CDH12: variants seen among roughly 807,000 people sequenced by gnomAD.
CDH12 encodes cadherin-12.
A neutral mutation model predicts 74.1 loss-of-function variants in CDH12; 41 were observed. The ratio of observed to expected loss-of-function variants is 0.55; its 90% CI spans 0.43 to 0.72. The LOEUF is 0.72. Ranked by LOEUF, CDH12 falls within the 30% of genes least tolerant of loss-of-function variation. CDH12 has a pLI of 0.00. For missense variants in CDH12, 945 were observed against 977.2 expected (o/e 0.97, Z 0.44); for synonymous variants, 399 against 355.0 (o/e 1.12, Z -1.39).
chr5:22,461,017 G>A (rs1295447349), intron 2 of CDH12, among the ~76,000 whole-genome samples: 2 of 144,694 alleles, frequency 1.4e-5, no homozygotes, highest in Non-Finnish European at 3.0e-5. Context: ...CACCGCGCCA[G>A]GCCAATGTCT....
At chr5:22,790,537 A>T (rs1747856945) in intron 1 of CDH12, among the ~76,000 whole-genome samples, 1 of 152,062 alleles carries the variant, frequency 6.6e-6, no homozygotes, top group South Asian at 2.1e-4. Flanking sequence ...AATCCCTTTG[A>T]CACATGTGGA....
At chr5:22,578,666 G>T (rs1739919045) in intron 1 of CDH12, among the ~76,000 whole-genome samples, 1 of 151,986 alleles carries the variant, frequency 6.6e-6, no homozygotes, top group Non-Finnish European at 1.5e-5. Flanking sequence ...TCAGAAGCAG[G>T]CCAAAGCACC....
chr5:22,260,912 T>A (rs550560861), intron 3 of CDH12, among the ~76,000 whole-genome samples: 4 of 151,970 alleles, frequency 2.6e-5, no homozygotes, highest in Admixed American at 6.6e-5. Flanking sequence ...CTGGCTTATT[T>A]CTGTTCCGAT....
chr5:21,977,963 T>TC (rs200300725), intron 5 of CDH12, among the ~76,000 whole-genome samples: 38,742 of 151,920 alleles, frequency 0.26, 7,330 homozygotes, highest in African/African-American at 0.53. Flanking sequence ...GCTGATTAAT[T>TC]AGGCAGATGG....
chr5:22,165,831 C>T (rs1488948695), intron 4 of CDH12, among the ~76,000 whole-genome samples: 1 of 152,216 alleles, frequency 6.6e-6, no homozygotes, highest in Non-Finnish European at 1.5e-5. Flanking sequence ...CTCACTGCTA[C>T]ACTTCCACCA....
intron 2 of CDH12, among the ~76,000 whole-genome samples, chr5:22,470,504 G>T (rs2126604500): frequency 6.6e-6 from 1 of 151,924 alleles, no homozygotes; most frequent in African/African-American, 2.4e-5. Flanking sequence ...CTGCAGCCTG[G>T]AACTCCTGAG....
chr5:21,789,214 T>G lies in CDH12; in HGVS notation c.1257-5720A>C, dbSNP rs927670348. ...ATGTCACAAGTGCAATAAAACATTG[T>G]AACAATTTTTAATTTTTATAGTTTT... On this transcript the variant is annotated intron_variant, in intron 10 of 14. Transcript: ENST00000382254. Among the ~76,000 whole-genome samples, 5 of 152,150 alleles carry G rather than the reference T, an allele frequency of 3.3e-5. No individual in the cohort carries two copies. The East Asian group carries it at 9.6e-4, about 29-fold the overall frequency.
chr5:22,535,067 G>GT (rs1178931856), intron 1 of CDH12, among the ~76,000 whole-genome samples: 1 of 147,890 alleles, frequency 6.8e-6, no homozygotes, highest in Non-Finnish European at 1.5e-5. Flanking sequence ...CGCCTCCCGG[G>GT]TTCACACCAT....
rs564808261 is a variant in CDH12 at position 21,955,007 on chromosome 5, T to C, written c.526+20084A>G. ...ATGAAATTCATGTTATTGAGTAGAG[T>C]AGTAATACAGTGTGTTCCCTTGTGA... On this transcript the variant is annotated intron_variant, in intron 6 of 14. Transcript: ENST00000382254. 3.9e-5 allele frequency among the ~76,000 whole-genome samples: 6 copies of C among 152,054 alleles called. No individual in the cohort carries two copies. The South Asian group carries it at 1.2e-3, about 32-fold the overall frequency.
intron 3 of CDH12, among the ~76,000 whole-genome samples, chr5:22,215,341 A>T (rs1329198982): frequency 3.3e-5 from 5 of 152,238 alleles, no homozygotes; most frequent in Non-Finnish European, 4.4e-5. Context: ...TTTATGATTA[A>T]CAAAAATCAT....
chr5:22,322,543 T>C (rs992032631), intron 3 of CDH12, among the ~76,000 whole-genome samples: 1 of 152,084 alleles, frequency 6.6e-6, no homozygotes, highest in Non-Finnish European at 1.5e-5. Flanking sequence ...ATGATGATGA[T>C]GACGATGATG....
At chr5:21,860,768 CA>C (rs1186760860) in intron 6 of CDH12, among the ~76,000 whole-genome samples, 1 of 151,998 alleles carries the variant, frequency 6.6e-6, no homozygotes, top group Non-Finnish European at 1.5e-5. Flanking sequence ...TGTGGTTTGT[CA>C]GGGGCTCTTA....
At chr5:21,903,661 A>T (rs565454020) in intron 6 of CDH12, among the ~76,000 whole-genome samples, 68 of 152,282 alleles carry the variant, frequency 4.5e-4, no homozygotes, top group Admixed American at 7.2e-4. Context: ...TCCAACAGCC[A>T]GGTTTATATA....
chr5:22,702,889 A>G (rs889386927), intron 1 of CDH12, among the ~76,000 whole-genome samples: 1 of 152,104 alleles, frequency 6.6e-6, no homozygotes, highest in African/African-American at 2.4e-5. Context: ...ACCACTTTTT[A>G]CAATAGTTAC....
intron 2 of CDH12, among the ~76,000 whole-genome samples, chr5:22,456,244 A>ATATGTG (rs1216988478): frequency 6.8e-6 from 1 of 147,286 alleles, no homozygotes; most frequent in South Asian, 2.2e-4. Flanking sequence ...GTCTATATAT[A>ATATGTG]TGTGTGTGTG....
intron 2 of CDH12, among the ~76,000 whole-genome samples, chr5:22,444,935 AT>A (rs997682202): frequency 6.6e-6 from 1 of 151,992 alleles, no homozygotes; most frequent in African/African-American, 2.4e-5. Context: ...CAGAAGACAT[AT>A]TTTTCTTTCA....
intron 3 of CDH12, among the ~76,000 whole-genome samples, chr5:22,277,362 T>C (rs1407411834): frequency 2.0e-5 from 3 of 151,982 alleles, no homozygotes; most frequent in Non-Finnish European, 4.4e-5. Context: ...TCTTCTAGAG[T>C]GGACTTGGGC....
chr5:22,444,142 A>G (rs2126547306), intron 2 of CDH12, among the ~76,000 whole-genome samples: 1 of 152,196 alleles, frequency 6.6e-6, no homozygotes. Flanking sequence ...AAAACATACA[A>G]TTAAATAAAT....
chr5:21,770,214 A>G (rs777827654), intron 11 of CDH12, among the ~76,000 whole-genome samples: 4 of 152,224 alleles, frequency 2.6e-5, no homozygotes, highest in Non-Finnish European at 5.9e-5. Flanking sequence ...AGTGTAATTG[A>G]ACATGTTTTG....
Sources: allele counts gnomAD v4.1 joint callset (sites outside exome capture counted in the v4.1 genomes callset), GRCh38; gene constraint gnomAD v4.1.1; transcripts MANE v1.5; gene names NCBI Gene and HGNC (gene_info 2026-07-23, HGNC 2026-07-21).